The following PCDHGB5 variants were observed in gnomAD, a reference collection of about 807,000 sequenced individuals.
The protein encoded by PCDHGB5 is protocadherin gamma-B5.
A neutral mutation model predicts 62.9 loss-of-function variants in PCDHGB5; 48 were observed. The ratio of observed to expected loss-of-function variants is 0.76; its 90% confidence interval spans 0.61 to 0.97. PCDHGB5 has a LOEUF of 0.97. Ranked by LOEUF, PCDHGB5 falls within the 50% of genes least tolerant of loss-of-function variation. The probability of loss-of-function intolerance (pLI) is 0.00; values close to 1 mark genes in which losing one functional copy is unlikely to be tolerated. For missense variants in PCDHGB5, 1,118 were observed against 1,198.6 expected (o/e 0.93, Z 0.99); for synonymous variants, 474 against 511.2 (o/e 0.93, Z 0.98).
chr5:141,407,471 A>G (rs1343289603), intron 1 of PCDHGB5, among the ~76,000 whole-genome samples: 1 of 146,104 alleles, frequency 6.8e-6, no homozygotes, highest in African/African-American at 2.5e-5. Context: ...AGATGACTGA[A>G]TGGAGTATGG....
rs192741775 is a variant in PCDHGB5, at chr5:141,428,173, C to A, written c.2397+27649C>A. The A allele has an allele frequency of 3.2e-4, 487 of 1,514,722 alleles. 1 individual carries two copies. In the Middle Eastern group the frequency reaches 7.1e-3, roughly 22 times the overall value. The allele number at this position is 1,514,722 out of a possible 1,614,324, so 93.8% of individuals were successfully genotyped here. On this transcript the variant is annotated intron_variant, in intron 1 of 3. Transcript: ENST00000617380. The stretch of plus-strand genomic sequence containing the variant: ...GGAACCTGCTGGTTGCTGTGCGTGA[C>A]GGAGGACAGCCGCCGCTCTCTGCGC...
intron 1 of PCDHGB5, among the ~76,000 whole-genome samples, chr5:141,472,267 C>T (rs547832378): frequency 6.6e-5 from 10 of 152,216 alleles, no homozygotes; most frequent in African/African-American, 2.4e-4. Context: ...TATAGCCGGG[C>T]ACAGTGGCTC....
rs1404447940 is a variant in PCDHGB5 at position 141,428,036 on chromosome 5, C to T, written c.2397+27512C>T. On this transcript the variant is annotated intron_variant, in intron 1 of 3. Transcript: ENST00000617380. ...TGCCACGCGCCGCAGAGTCCGGCTA[C>T]CTGGTGACCAAGGTGGTGGCGGTGG... The T allele has an allele frequency of 3.7e-6, 6 of 1,608,246 alleles. No homozygotes were observed. The African/African-American group carries it at 4.0e-5, about 11-fold the overall frequency.
chr5:141,433,354 T>TCTGC, intron 1 of PCDHGB5: 2 of 602,322 alleles, frequency 3.3e-6, no homozygotes, highest in South Asian at 2.1e-5. Context: ...CCACCTACTG[T>TCTGC]CTGCCTATCT....
intron 3 of PCDHGB5, among the ~76,000 whole-genome samples, chr5:141,508,984 C>G (rs1039260828): frequency 4.7e-4 from 72 of 152,154 alleles, no homozygotes; most frequent in African/African-American, 1.7e-3. Context: ...GGGTGGGGGC[C>G]AGCTGGGGTA....
rs146860480 is a variant in PCDHGB5 at position 141,474,581 on chromosome 5, T to G, written c.2398-20226T>G. ...GGTTTTCAGAGATTAATTGAAGTGTTAAAGACATGGAAATATAGGTCACAT... is the reference window on the plus strand; with the variant it reads ...GGTTTTCAGAGATTAATTGAAGTGTGAAAGACATGGAAATATAGGTCACAT... On this transcript the variant is annotated intron_variant, in intron 1 of 3. Transcript: ENST00000617380. Among the ~76,000 whole-genome samples the G allele has an allele frequency of 7.1e-4, 108 of 152,358 alleles. No homozygotes were observed. The East Asian group carries it at 0.015, about 21-fold the overall frequency.
At position 141,491,518 on chromosome 5, in the gene PCDHGB5, A is replaced by G. The variant is rs756813813; in HGVS notation, c.2398-3289A>G. 3 of 1,613,990 alleles carry G rather than the reference A, an allele frequency of 1.9e-6. No individual in the cohort carries two copies. The highest frequency in any genetic ancestry group is 3.3e-5 in the Admixed American group (2 of 60,028). ...GAGCTCGGACGGCACGCTCAAGTAC[A>G]TGGAGGTGACGCTGCGGCCCACAGA... On this transcript the variant is annotated intron_variant, in intron 1 of 3. Transcript: ENST00000617380. This position sits in a 1 kb window ranked among gnomAD's most constrained non-coding sequence, Gnocchi z 6.9.
chr5:141,511,391 C>G lies in PCDHGB5; in HGVS notation c.*218C>G. ...TGCAAAAGCAGTTCCGCTGGGAACC[C>G]CCATCCAATCAACTGCTGTACCCAT... is the stretch of plus-strand genomic sequence containing the variant. On this transcript the variant is annotated 3_prime_UTR_variant, in exon 4 of 4. Coordinates refer to ENST00000617380, the MANE Select transcript of PCDHGB5 (RefSeq NM_018925.3). 2.8e-6 allele frequency: 3 copies of G among 1,079,748 alleles called. No homozygotes were observed. The highest frequency in any genetic ancestry group is 3.3e-5 in the South Asian group (2 of 60,136). The allele number at this position is 1,079,748 out of a possible 1,614,324, so 66.9% of individuals were successfully genotyped here. A position where few individuals can be genotyped will look rare whatever the true frequency, so the allele number is the denominator to read the frequency against.
intron 1 of PCDHGB5, chr5:141,479,563 G>A (rs1469231382): frequency 2.6e-5 from 4 of 152,206 alleles, no homozygotes; most frequent in Admixed American, 2.0e-4. Context: ...ATCCAGTAGT[G>A]GGATGACATC....
chr5:141,457,959 T>C (rs1426112930), intron 1 of PCDHGB5, among the ~76,000 whole-genome samples: 3 of 152,208 alleles, frequency 2.0e-5, no homozygotes, highest in Admixed American at 2.0e-4. Flanking sequence ...CAAGCTTGAT[T>C]CCTTAAAGGG....
intron 1 of PCDHGB5, among the ~76,000 whole-genome samples, chr5:141,474,990 A>G (rs1245269630): frequency 6.6e-6 from 1 of 152,222 alleles, no homozygotes; most frequent in African/African-American, 2.4e-5. Context: ...GGTGACAACA[A>G]TTCTAAATGC....
At position 141,485,930 on chromosome 5, in the gene PCDHGB5, G is replaced by C; in HGVS notation, c.2398-8877G>C. ...ATCCAGCTACAGGATTAGTGTGTTGGAGAGCGCACCAGCGGGCATGGTGCT... is the reference window on the plus strand; with the variant it reads ...ATCCAGCTACAGGATTAGTGTGTTGCAGAGCGCACCAGCGGGCATGGTGCT... On this transcript the variant is annotated intron_variant, in intron 1 of 3. Coordinates refer to ENST00000617380, the MANE Select transcript of PCDHGB5 (RefSeq NM_018925.3). The surrounding 1 kb of genome is among the most constrained non-coding windows in gnomAD (Gnocchi z 5.7). 6.2e-7 allele frequency: 1 copy of C among 1,614,178 alleles called. No homozygotes were observed. The highest frequency in any genetic ancestry group is 8.5e-7 in the Non-Finnish European group (1 of 1,180,042).
intron 1 of PCDHGB5, chr5:141,405,044 G>A (rs769617162): frequency 6.2e-7 from 1 of 1,613,938 alleles, no homozygotes; most frequent in Admixed American, 1.7e-5. Context: ...TGTGGCTGTG[G>A]CAGTCGTCTC....
At position 141,398,955 on chromosome 5, in the gene PCDHGB5, A is replaced by T. The variant is rs2093730495; in HGVS notation, c.828A>T (p.Glu276Asp). 1.2e-6 allele frequency: 2 copies of T among 1,613,966 alleles called. No homozygotes were observed. Among genetic ancestry groups the T allele is most frequent in the African/African-American group, 1.3e-5 (1 of 75,040 alleles). The change falls in exon 1 of 4, where the codon GAA (glutamate) becomes GAT (aspartate). Residue 276 changes from glutamate to aspartate, a missense_variant. By Grantham distance (45) the Glu-to-Asp change is conservative (BLOSUM62 2). Around this residue, in one of 2 missense-constraint regions of PCDHGB5, gnomAD observed 1,034 missense variants for 1,029.1 expected, o/e 1.00. Transcript: ENST00000617380. ...ACCAAGACGAGGGCATCAACTCAGA[A>T]ATTACTTATTCCTTCTACAGAACCG... ...ATDQDEGINS[E>D]ITYSFYRTGQ...
In PCDHGB5 at chr5:141,476,089, C is replaced by A; in HGVS notation, c.2398-18718C>A. 1 of 1,560,716 alleles carries A rather than the reference C, an allele frequency of 6.4e-7. No individual in the cohort carries two copies. The highest frequency in any genetic ancestry group is 8.6e-7 in the Non-Finnish European group (1 of 1,158,372). On this transcript the variant is annotated intron_variant, in intron 1 of 3. Coordinates refer to ENST00000617380, the MANE Select transcript of PCDHGB5 (RefSeq NM_018925.3). This position sits in a 1 kb window ranked among gnomAD's most constrained non-coding sequence, Gnocchi z 7.6. ...CGAAATCTCAGGGACGATCTGGACC[C>A]CGCTGAGAGGAACTGCTTTTGAGTG...
rs746311453 is a variant in PCDHGB5 at position 141,428,229 on chromosome 5, C to T, written c.2397+27705C>T. On this transcript the variant is annotated intron_variant, in intron 1 of 3. Coordinates refer to ENST00000617380, the MANE Select transcript of PCDHGB5 (RefSeq NM_018925.3). ...CGCTTCACCTAGTCTTCGCAGACAGCCTGCAGGAGGCACTGCCAGACTTCA... is the reference window on the plus strand; with the variant it reads ...CGCTTCACCTAGTCTTCGCAGACAGTCTGCAGGAGGCACTGCCAGACTTCA... 3 of 1,098,554 alleles carry T rather than the reference C, an allele frequency of 2.7e-6. No homozygotes were observed. In the South Asian group the frequency reaches 3.9e-5, roughly 14 times the overall value. The allele number at this position is 1,098,554 out of a possible 1,614,324, so 68.1% of individuals were successfully genotyped here.
chr5:141,446,468 A>G (rs2098503159), intron 1 of PCDHGB5, among the ~76,000 whole-genome samples: 1 of 149,982 alleles, frequency 6.7e-6, no homozygotes, highest in African/African-American at 2.5e-5. Flanking sequence ...GTGATTAGAC[A>G]TATGGTCATC....
intron 1 of PCDHGB5, among the ~76,000 whole-genome samples, chr5:141,452,909 T>C (rs1408054133): frequency 6.6e-6 from 1 of 152,232 alleles, no homozygotes; most frequent in Non-Finnish European, 1.5e-5. Flanking sequence ...GTTGGCATTA[T>C]ACAGTAAGAA....
At chr5:141,480,738 T>C (rs2099524955) in intron 1 of PCDHGB5, among the ~76,000 whole-genome samples, 1 of 152,124 alleles carries the variant, frequency 6.6e-6, no homozygotes, top group Admixed American at 6.5e-5. Flanking sequence ...GGGTGGGACA[T>C]AGGCATCATT....
Sources: allele counts gnomAD v4.1 joint callset (sites outside exome capture counted in the v4.1 genomes callset), GRCh38; gene constraint gnomAD v4.1.1; regional missense constraint gnomAD v4.1.1; non-coding constraint Gnocchi (gnomAD v3.1); transcripts MANE v1.5; gene names NCBI Gene and HGNC (gene_info 2026-07-23, HGNC 2026-07-21).